Variants in ZNF385D observed in about 807,000 individuals in gnomAD.
The protein encoded by ZNF385D is zinc finger protein 659.
A neutral mutation model predicts 35.8 loss-of-function variants in ZNF385D; 15 were observed. That is an observed-to-expected ratio of 0.42 (90% CI 0.28 to 0.64). The LOEUF (loss-of-function observed/expected upper bound fraction) is 0.64. ZNF385D is among the 30% of genes least tolerant of loss of function. ZNF385D has a pLI of 0.23. For synonymous variants in ZNF385D, 212 were observed against 186.8 expected (o/e 1.13, Z -1.10); for missense variants, 474 against 494.6 (o/e 0.96, Z 0.39).
intron 3 of ZNF385D, among the ~76,000 whole-genome samples, chr3:22,128,449 C>A (rs1360949382): frequency 6.6e-6 from 1 of 152,036 alleles, no homozygotes; most frequent in Non-Finnish European, 1.5e-5. Context: ...TTAGAAAGTT[C>A]TCTGTTGTCT....
At chr3:21,808,668 A>T (rs188044666) in intron 3 of ZNF385D, among the ~76,000 whole-genome samples, 4 of 152,272 alleles carry the variant, frequency 2.6e-5, no homozygotes, top group Admixed American at 2.6e-4. Flanking sequence ...GGGGCAAATC[A>T]CCTCTTTTCC....
intron 3 of ZNF385D, among the ~76,000 whole-genome samples, chr3:21,841,258 G>A (rs1348138377): frequency 6.6e-6 from 1 of 151,944 alleles, no homozygotes; most frequent in Admixed American, 6.6e-5. Context: ...ACCAAAAATA[G>A]ATGCACATTA....
In ZNF385D at chr3:21,639,132, A is replaced by T. The variant is rs886519838; in HGVS notation, c.165+25754T>A. On this transcript the variant is annotated intron_variant, in intron 2 of 7. Transcript: ENST00000281523. ...ATTATAATTTTTCAAATTGTTCAAG[A>T]ACAACTAAGATAAAAAGCATATAGA... 2.0e-5 allele frequency among the ~76,000 whole-genome samples: 3 copies of T among 152,108 alleles called. No homozygotes were observed. In the East Asian group the frequency reaches 5.8e-4, roughly 29 times the overall value.
chr3:21,786,652 T>C (rs2943746), intron 3 of ZNF385D, among the ~76,000 whole-genome samples: 74,392 of 152,072 alleles, frequency 0.49, 19,454 homozygotes, highest in Middle Eastern at 0.6. Context: ...CAGTACAGCA[T>C]TAGTGGTGAC....
At chr3:22,215,573 T>A (rs2125270044) in intron 2 of ZNF385D, among the ~76,000 whole-genome samples, 1 of 152,160 alleles carries the variant, frequency 6.6e-6, no homozygotes, top group Middle Eastern at 3.4e-3. Flanking sequence ...AGACTGGTTG[T>A]CTGCTCTCAA....
intron 3 of ZNF385D, among the ~76,000 whole-genome samples, chr3:22,160,307 C>A (rs1399083019): frequency 1.3e-5 from 2 of 152,104 alleles, no homozygotes; most frequent in Admixed American, 1.3e-4. Context: ...AAAGAGATCA[C>A]TGTGAAGCCA....
chr3:22,270,073 C>T (rs1042934573), intron 2 of ZNF385D, among the ~76,000 whole-genome samples: 2 of 151,902 alleles, frequency 1.3e-5, no homozygotes, highest in African/African-American at 4.8e-5. Flanking sequence ...GACTCTGTAG[C>T]AAGCTGCTGA....
intron 3 of ZNF385D, among the ~76,000 whole-genome samples, chr3:21,839,064 T>G (rs1695503298): frequency 2.0e-5 from 3 of 152,088 alleles, no homozygotes; most frequent in East Asian, 1.9e-4. Context: ...TTAAAGGTTA[T>G]TAGAAGATAA....
At chr3:22,367,547 C>CA (rs1394138023) in intron 2 of ZNF385D, among the ~76,000 whole-genome samples, 1 of 152,038 alleles carries the variant, frequency 6.6e-6, no homozygotes, top group East Asian at 1.9e-4. Flanking sequence ...GAAACTGAGA[C>CA]ACCTAACTTC....
rs192583713 is a variant in ZNF385D at position 22,256,743 on chromosome 3, T to C, written c.107-87708A>G. 1.7e-3 allele frequency among the ~76,000 whole-genome samples: 266 copies of C among 152,002 alleles called. 2 individuals carry two copies. In the South Asian group the frequency reaches 0.035, roughly 20 times the overall value. On this transcript the variant is annotated intron_variant, in intron 2 of 5. Transcript: ENST00000494108. Reference sequence around the variant, plus strand: ...GCCATCTTTATTATATATGTACTCATTCTACTAATATATTAATGACTGCCT... The same window carrying C: ...GCCATCTTTATTATATATGTACTCACTCTACTAATATATTAATGACTGCCT...
At chr3:21,995,201 C>T (rs1695383474) in intron 3 of ZNF385D, among the ~76,000 whole-genome samples, 1 of 152,196 alleles carries the variant, frequency 6.6e-6, no homozygotes, top group Non-Finnish European at 1.5e-5. Flanking sequence ...AGACCTCAGG[C>T]CTCCAGGTAG....
intron 3 of ZNF385D, among the ~76,000 whole-genome samples, chr3:21,825,840 T>C (rs994792792): frequency 6.6e-6 from 1 of 152,196 alleles, no homozygotes; most frequent in Non-Finnish European, 1.5e-5. Flanking sequence ...GGCTAGGCTG[T>C]ACAGCAGGAG....
At chr3:22,126,310 G>GTTTTTTTTT (rs57457479) in intron 3 of ZNF385D, among the ~76,000 whole-genome samples, 5 of 100,142 alleles carry the variant, frequency 5.0e-5, no homozygotes, top group African/African-American at 7.7e-5. Flanking sequence ...TTTGAAAGTT[G>GTTTTTTTTT]TTTTTTTTTT....
At chr3:21,765,233 A>G (rs2125595414) in intron 3 of ZNF385D, among the ~76,000 whole-genome samples, 1 of 152,146 alleles carries the variant, frequency 6.6e-6, no homozygotes, top group East Asian at 1.9e-4. Flanking sequence ...AGAGAGAGAG[A>G]GAGAGCATTT....
intron 2 of ZNF385D, among the ~76,000 whole-genome samples, chr3:21,625,570 T>C (rs748507329): frequency 1.3e-5 from 2 of 152,086 alleles, no homozygotes; most frequent in Admixed American, 1.3e-4. Context: ...TTGCTTACAT[T>C]AGAAGAAAGA....
chr3:21,781,413 T>G (rs2071483979), intron 3 of ZNF385D, among the ~76,000 whole-genome samples: 1 of 152,024 alleles, frequency 6.6e-6, no homozygotes, highest in Non-Finnish European at 1.5e-5. Flanking sequence ...CTCCTTACAC[T>G]TCATCTGAAA....
At chr3:22,340,189 A>G (rs1378371898) in intron 2 of ZNF385D, among the ~76,000 whole-genome samples, 5 of 152,234 alleles carry the variant, frequency 3.3e-5, no homozygotes, top group Non-Finnish European at 7.3e-5. Flanking sequence ...GATGAATTTC[A>G]AATTAAATAT....
chr3:22,123,593 C>G (rs1703226374), intron 3 of ZNF385D, among the ~76,000 whole-genome samples: 1 of 152,148 alleles, frequency 6.6e-6, no homozygotes, highest in Admixed American at 6.5e-5. Flanking sequence ...GGCGCGGTGG[C>G]TGACGCCTTT....
intron 2 of ZNF385D, among the ~76,000 whole-genome samples, chr3:21,572,719 G>C (rs1415540540): frequency 1.3e-5 from 2 of 152,062 alleles, no homozygotes; most frequent in East Asian, 3.9e-4. Context: ...AGTGAGAAAA[G>C]GTACTACAGC....
Sources: allele counts gnomAD v4.1 joint callset (sites outside exome capture counted in the v4.1 genomes callset), GRCh38; gene constraint gnomAD v4.1.1; transcripts MANE v1.5; gene names NCBI Gene and HGNC (gene_info 2026-07-23, HGNC 2026-07-21).